The following TACC2 variants were observed in gnomAD, a reference collection of about 807,000 sequenced individuals.
TACC2 encodes transforming acidic coiled-coil containing protein 2.
Under a neutral mutation model 227.3 loss-of-function variants are expected in TACC2, and 137 were observed. The ratio of observed to expected loss-of-function variants is 0.60; its 90% CI spans 0.52 to 0.69. TACC2 has a LOEUF of 0.69. TACC2 is among the 30% of genes least tolerant of loss of function. The pLI, the probability that TACC2 is intolerant of heterozygous loss-of-function variation, is 0.00. For synonymous variants in TACC2, 1,523 were observed against 1,487.5 expected (o/e 1.02, Z -0.55); for missense variants, 3,470 against 3,694.4 (o/e 0.94, Z 1.57).
chr10:122,012,757 C>T (rs1591029197), intron 1 of TACC2, among the ~76,000 whole-genome samples: 1 of 152,116 alleles, frequency 6.6e-6, no homozygotes, highest in South Asian at 2.1e-4. Context: ...CAGAAGTGAA[C>T]CTCAGAGCTC....
chr10:122,073,742 T>C (rs3981239), intron 3 of TACC2, among the ~76,000 whole-genome samples: 4,096 of 152,302 alleles, frequency 0.027, 74 homozygotes, highest in South Asian at 0.046. Flanking sequence ...CTTCACCTAG[T>C]GCTTCCCACA....
At chr10:122,155,831 A>AC (rs2092424002) in intron 7 of TACC2, among the ~76,000 whole-genome samples, 2 of 113,722 alleles carry the variant, frequency 1.8e-5, no homozygotes, top group Admixed American at 1.1e-4. Flanking sequence ...AATAGTGGGA[A>AC]AATTTTTTTT....
Position 122,124,662 on chromosome 10 carries a change from A to G in TACC2, c.5574-7947A>G, listed in dbSNP as rs185222296. On this transcript the variant is annotated intron_variant, in intron 5 of 22. Transcript: ENST00000369005. ...AAACGGAGCTCCATGTGTGCTGGGG[A>G]GTGGCTGTTTGCCTGCACGCCTTTG... Among the ~76,000 whole-genome samples the G allele has an allele frequency of 4.5e-3, 683 of 152,174 alleles. 8 individuals carry two copies. The highest frequency in any genetic ancestry group is 0.016 in the African/African-American group (651 of 41,524).
chr10:122,148,501 C>T (rs1050926900), intron 7 of TACC2, among the ~76,000 whole-genome samples: 3 of 152,228 alleles, frequency 2.0e-5, no homozygotes, highest in African/African-American at 7.2e-5. Context: ...TTGGAGCCAG[C>T]GTGCCTTCTG....
intron 5 of TACC2, among the ~76,000 whole-genome samples, chr10:122,097,957 C>T (rs946262258): frequency 2.6e-5 from 4 of 152,090 alleles, no homozygotes; most frequent in Admixed American, 6.5e-5. Context: ...GCTCTCTCAC[C>T]GGGGAAGAGC....
chr10:122,011,433 G>A (rs747241370), intron 1 of TACC2, among the ~76,000 whole-genome samples: 10 of 152,236 alleles, frequency 6.6e-5, no homozygotes, highest in African/African-American at 2.4e-4. Context: ...GGGTTCAAGC[G>A]ATTCTCCTGC....
At chr10:122,101,852 G>A (rs189949721) in intron 5 of TACC2, among the ~76,000 whole-genome samples, 7 of 150,316 alleles carry the variant, frequency 4.7e-5, no homozygotes, top group African/African-American at 1.7e-4. Context: ...GATTACAGGC[G>A]TGAGCTACCA....
intron 7 of TACC2, among the ~76,000 whole-genome samples, chr10:122,185,368 G>A (rs181845239): frequency 1.9e-4 from 29 of 151,560 alleles, no homozygotes; most frequent in African/African-American, 6.1e-4. Flanking sequence ...GCTACTTTTT[G>A]TATTTTTAGT....
Position 122,014,031 on chromosome 10 carries a change from CAA to C in TACC2, c.-45-7898_-45-7897del, listed in dbSNP as rs5788524. ...AAACAGATACATTTCTATCATGCTG[CAA>C]AAAAAAAGATAATTTTTTCAATAGA... On this transcript the variant is annotated intron_variant, in intron 1 of 22. Transcript: ENST00000369005. Among the ~76,000 whole-genome samples the C allele has an allele frequency of 1.9e-4, 29 of 151,856 alleles. No homozygotes were observed. In the East Asian group the frequency reaches 2.3e-3, roughly 12 times the overall value.
chr10:122,124,474 T>A (rs1426157027), intron 5 of TACC2, among the ~76,000 whole-genome samples: 1 of 152,202 alleles, frequency 6.6e-6, no homozygotes, highest in Non-Finnish European at 1.5e-5. Flanking sequence ...TTTAAATCTC[T>A]CATGTTCCCC....
At chr10:122,213,463 TC>T in intron 9 of TACC2, 1 of 1,384,602 alleles carries the variant, frequency 7.2e-7, no homozygotes, top group East Asian at 2.3e-5. Flanking sequence ...CATTTTTATT[TC>T]CCCTCTGGCT....
rs749238677 is a variant in TACC2, at chr10:122,087,703, G to A, written c.5203G>A (p.Val1735Ile). 6.4e-5 allele frequency: 104 copies of A among 1,612,874 alleles called. No individual in the cohort carries two copies. The East Asian group carries it at 1.4e-3, about 21-fold the overall frequency. Reference protein sequence around the residue: ...PEAGTTRTFSVVAGDLVLPGS... With the variant: ...PEAGTTRTFSIVAGDLVLPGS... ...AGCAGGTACTACGAGGACATTCTCC[G>A]TTGTGGCAGGTGACTTGGTGCTGCC... The change falls in exon 4 of 23, where the codon GTT (valine) becomes ATT (isoleucine). Residue 1735 changes from valine (V) to isoleucine (I), a missense_variant. Val to Ile is a conservative substitution (Grantham distance 29). Transcript: ENST00000369005.
intron 3 of TACC2, among the ~76,000 whole-genome samples, chr10:122,056,077 G>T (rs966881519): frequency 2.6e-5 from 4 of 152,260 alleles, no homozygotes; most frequent in African/African-American, 9.6e-5. Context: ...TGGGCACCAA[G>T]ATCACCTGCA....
chr10:122,105,079 GC>G (rs1450440550), intron 5 of TACC2, among the ~76,000 whole-genome samples: 5 of 152,230 alleles, frequency 3.3e-5, no homozygotes, highest in African/African-American at 1.2e-4. Flanking sequence ...TGTCTGGCAT[GC>G]ATGGGTGCCC....
rs2077730551 is a variant in TACC2, at chr10:122,069,096, C to T, written c.147-13551C>T. On this transcript the variant is annotated intron_variant, in intron 3 of 22. Transcript: ENST00000369005. ...TAGTATTCTACTCTGGGAACTGCAG[C>T]TGCCTCGGTCTCCCCAGATACACAG... Among the ~76,000 whole-genome samples the T allele has an allele frequency of 5.5e-5, 6 of 109,170 alleles. No homozygotes were observed. In the South Asian group the frequency reaches 1.6e-3, roughly 29 times the overall value. The allele number at this position is 109,170 out of a possible 152,430, so 71.6% of individuals were successfully genotyped here.
chr10:122,080,866 G>T lies in TACC2; in HGVS notation c.147-1781G>T, dbSNP rs540413024. ...CCTCCAGAACGCTGTGGGCTTATGT[G>T]TGTGTGAATATGTGTGCATGTAACA... On this transcript the variant is annotated intron_variant, in intron 3 of 22. Coordinates refer to ENST00000369005, the MANE Select transcript of TACC2 (RefSeq NM_206862.4). Among the ~76,000 whole-genome samples, 4 of 152,292 alleles carry T rather than the reference G, an allele frequency of 2.6e-5. No homozygotes were observed. The East Asian group carries it at 7.7e-4, about 29-fold the overall frequency.
chr10:122,074,670 C>T (rs975383146), intron 3 of TACC2, among the ~76,000 whole-genome samples: 6 of 152,068 alleles, frequency 3.9e-5, no homozygotes, highest in African/African-American at 1.4e-4. Context: ...TCTGACCATT[C>T]ACAACCACAC....
At chr10:122,159,731 G>T (rs553894976) in intron 7 of TACC2, among the ~76,000 whole-genome samples, 1 of 152,312 alleles carries the variant, frequency 6.6e-6, no homozygotes, top group Non-Finnish European at 1.5e-5. Flanking sequence ...GCTTGGAGGA[G>T]CCCTGTTCTC....
intron 5 of TACC2, among the ~76,000 whole-genome samples, chr10:122,118,260 C>T (rs894064343): frequency 2.6e-5 from 4 of 152,160 alleles, no homozygotes; most frequent in African/African-American, 9.7e-5. Context: ...GGCCATCCGG[C>T]CGCCTCGGCC....
Sources: gnomAD v4.1 joint callset for allele counts (sites outside exome capture counted in the v4.1 genomes callset) on GRCh38, gnomAD v4.1.1 for gene constraint, MANE v1.5 for transcripts, NCBI Gene and HGNC (gene_info 2026-07-23, HGNC 2026-07-21) for gene names.